Variants in TMTC2 observed in about 807,000 individuals in gnomAD.
TMTC2 encodes protein O-mannosyl-transferase TMTC2.
TMTC2 carries 43 observed loss-of-function variants against 82.4 expected under a neutral mutation model. The ratio of observed to expected loss-of-function variants is 0.52; its 90% confidence interval spans 0.41 to 0.67. TMTC2 has a LOEUF of 0.67. Among genes scored for constraint, TMTC2 ranks in the 30% least tolerant of loss-of-function variants. TMTC2 has a pLI of 0.00. For synonymous variants in TMTC2, 408 were observed against 381.9 expected (o/e 1.07, Z -0.80); for missense variants, 919 against 1,012.4 (o/e 0.91, Z 1.25).
intron 2 of TMTC2, among the ~76,000 whole-genome samples, chr12:82,857,885 A>G (rs1431360909): frequency 6.6e-6 from 1 of 152,220 alleles, no homozygotes; most frequent in Non-Finnish European, 1.5e-5. Flanking sequence ...TTCTGCACAA[A>G]TTGTCTATAA....
At chr12:82,877,997 A>C (rs1262598313) in intron 2 of TMTC2, among the ~76,000 whole-genome samples, 3 of 152,250 alleles carry the variant, frequency 2.0e-5, no homozygotes, top group Non-Finnish European at 4.4e-5. Context: ...GTACACAGAC[A>C]CACAGATGAG....
chr12:82,820,536 G>T (rs1278202880), intron 1 of TMTC2, among the ~76,000 whole-genome samples: 3 of 151,802 alleles, frequency 2.0e-5, no homozygotes, highest in East Asian at 1.9e-4. Flanking sequence ...CACCACACCC[G>T]GCTAATTTTT....
chr12:82,968,617 A>G (rs1878321944), intron 7 of TMTC2, among the ~76,000 whole-genome samples: 1 of 152,158 alleles, frequency 6.6e-6, no homozygotes, highest in African/African-American at 2.4e-5. Flanking sequence ...AACAGACTGC[A>G]TGTAGTATTT....
intron 7 of TMTC2, among the ~76,000 whole-genome samples, chr12:82,968,480 C>G (rs918634675): frequency 1.3e-5 from 2 of 152,204 alleles, no homozygotes; most frequent in African/African-American, 4.8e-5. Flanking sequence ...GTTGCTTTCT[C>G]TAGCTTTGGT....
rs141291518 is a variant in TMTC2, at chr12:82,818,610, A to T, written c.84-38400A>T. On this transcript the variant is annotated intron_variant, in intron 1 of 11. Coordinates refer to ENST00000321196, the MANE Select transcript of TMTC2 (RefSeq NM_152588.3). Reference sequence around the variant, plus strand: ...GGCATCCCCTTGTTTGATTGTGGACATGATGAAGACTCTCTGAATCTCTCA... The same window carrying T: ...GGCATCCCCTTGTTTGATTGTGGACTTGATGAAGACTCTCTGAATCTCTCA... Among the ~76,000 whole-genome samples, 391 of 152,294 alleles carry T rather than the reference A, an allele frequency of 2.6e-3. 1 individual carries two copies. The highest frequency in any genetic ancestry group is 8.6e-3 in the African/African-American group (356 of 41,592).
In TMTC2 at chr12:82,803,583, G is replaced by A. The variant is rs115783311; in HGVS notation, c.84-53427G>A. ...GTAGGCTTGGGCATGCGCATTAAGA[G>A]ACAAAATGGCAAGAGTATCACCTTC... On this transcript the variant is annotated intron_variant, in intron 1 of 11. Transcript: ENST00000321196. 1.4e-3 allele frequency among the ~76,000 whole-genome samples: 212 copies of A among 152,166 alleles called. 1 individual carries two copies. The highest frequency in any genetic ancestry group is 4.5e-3 in the African/African-American group (185 of 41,528).
chr12:82,817,592 C>G (rs930672186), intron 1 of TMTC2, among the ~76,000 whole-genome samples: 1 of 152,048 alleles, frequency 6.6e-6, no homozygotes, highest in Admixed American at 6.6e-5. Context: ...CTACTGGTGC[C>G]TTGTTTGAAT....
intron 3 of TMTC2, among the ~76,000 whole-genome samples, chr12:82,913,859 T>C (rs1874843259): frequency 6.6e-6 from 1 of 152,186 alleles, no homozygotes; most frequent in South Asian, 2.1e-4. Context: ...AACAAATCCC[T>C]GCATACTCAA....
intron 1 of TMTC2, among the ~76,000 whole-genome samples, chr12:82,810,769 G>A (rs1253181932): frequency 6.6e-6 from 1 of 152,026 alleles, no homozygotes; most frequent in East Asian, 1.9e-4. Context: ...CTGTTCTCAT[G>A]GCAGTGAGGG....
At chr12:82,843,980 C>G (rs1045863654) in intron 1 of TMTC2, among the ~76,000 whole-genome samples, 1 of 152,108 alleles carries the variant, frequency 6.6e-6, no homozygotes, top group African/African-American at 2.4e-5. Flanking sequence ...GGTTAAGACT[C>G]AATTCAGAGA....
intron 11 of TMTC2, among the ~76,000 whole-genome samples, chr12:83,120,787 G>T (rs1182798103): frequency 6.6e-6 from 1 of 152,154 alleles, no homozygotes; most frequent in Non-Finnish European, 1.5e-5. Flanking sequence ...CAAAAACACT[G>T]ATTATTCTTA....
chr12:82,783,954 A>G (rs1330413366), intron 1 of TMTC2, among the ~76,000 whole-genome samples: 4 of 152,210 alleles, frequency 2.6e-5, no homozygotes, highest in East Asian at 3.9e-4. Flanking sequence ...GTTTATAACA[A>G]TATTCTACAA....
chr12:83,030,589 A>G (rs1035684493), intron 8 of TMTC2, among the ~76,000 whole-genome samples: 5 of 151,972 alleles, frequency 3.3e-5, no homozygotes, highest in Non-Finnish European at 7.4e-5. Context: ...CTTCTGTTAT[A>G]TATTCTTCAT....
chr12:82,884,094 G>A (rs1872969983), intron 2 of TMTC2, among the ~76,000 whole-genome samples: 1 of 152,100 alleles, frequency 6.6e-6, no homozygotes. Flanking sequence ...AGGGGCTATG[G>A]CACACCCCTT....
rs1358474370 is a variant in TMTC2 at position 82,687,411 on chromosome 12, G to A, written c.-176G>A. ...ACGCAGGAGCTGCGGAGACGGGCGC[G>A]AGGAGGAGGAGAGGAGTCGTGGATT... On this transcript the variant is annotated 5_prime_UTR_variant, in exon 1 of 12. Transcript: ENST00000321196. 3.4e-6 allele frequency: 2 copies of A among 594,844 alleles called. No individual in the cohort carries two copies. The highest frequency in any genetic ancestry group is 2.0e-5 in the South Asian group (1 of 50,416). The allele number at this position is 594,844 out of a possible 1,614,324, so 36.8% of individuals were successfully genotyped here.
intron 1 of TMTC2, among the ~76,000 whole-genome samples, chr12:82,839,764 C>A (rs1565773213): frequency 6.6e-6 from 1 of 152,128 alleles, no homozygotes; most frequent in Non-Finnish European, 1.5e-5. Context: ...TCTGATGAGT[C>A]TGCTTCCCAA....
intron 8 of TMTC2, among the ~76,000 whole-genome samples, chr12:82,994,645 A>G (rs80315368): frequency 1.3e-3 from 194 of 150,802 alleles, no homozygotes; most frequent in Non-Finnish European, 2.0e-3. Context: ...AAAAAAAAAA[A>G]GGCAGTCCTG....
chr12:82,858,320 A>C (rs1181467161), intron 2 of TMTC2, among the ~76,000 whole-genome samples: 2 of 152,232 alleles, frequency 1.3e-5, no homozygotes, highest in African/African-American at 4.8e-5. Context: ...CATTGAGCGG[A>C]CGGGGCATCT....
At position 83,133,987 on chromosome 12, in the gene TMTC2, CT is replaced by C. The variant is rs990842416; in HGVS notation, c.*1599del. 1 of 152,472 alleles carries C rather than the reference CT, an allele frequency of 6.6e-6. No homozygotes were observed. The highest frequency in any genetic ancestry group is 2.4e-5 in the African/African-American group (1 of 41,400). The allele number at this position is 152,472 out of a possible 1,614,324, so 9.4% of individuals were successfully genotyped here. ...ATGCAAATACATCATATTATGTTTTCTCCATATTTTATGTTTTTCTATGTAT... is the reference window on the plus strand; with the variant it reads ...ATGCAAATACATCATATTATGTTTTCCCATATTTTATGTTTTTCTATGTAT... On this transcript the variant is annotated 3_prime_UTR_variant, in exon 12 of 12. Coordinates refer to ENST00000321196, the MANE Select transcript of TMTC2 (RefSeq NM_152588.3).
Sources: gnomAD v4.1 joint callset for allele counts (sites outside exome capture counted in the v4.1 genomes callset) on GRCh38, gnomAD v4.1.1 for gene constraint, MANE v1.5 for transcripts, NCBI Gene and HGNC (gene_info 2026-07-23, HGNC 2026-07-21) for gene names.